Variants in STPG2 observed in about 807,000 individuals in gnomAD.
The protein encoded by STPG2 is sperm tail PG-rich repeat containing 2.
STPG2 carries 56 observed loss-of-function variants against 54.2 expected under a neutral mutation model. The observed-to-expected ratio is 1.03, with a 90% CI of 0.83 to 1.29. The LOEUF (loss-of-function observed/expected upper bound fraction) is 1.29, where lower values mean the gene tolerates loss of function less well. STPG2 is among the 50% of genes most tolerant of loss of function. The pLI is 0.00. For missense variants in STPG2, 596 were observed against 544.9 expected (o/e 1.09, Z -0.93); for synonymous variants, 200 against 181.8 (o/e 1.10, Z -0.81).
At chr4:97,922,529 T>G (rs769835051) in intron 8 of STPG2, among the ~76,000 whole-genome samples, 1 of 152,222 alleles carries the variant, frequency 6.6e-6, no homozygotes, top group African/African-American at 2.4e-5. Context: ...AGAAAAAAAG[T>G]TGTTTGTAGT....
Position 97,840,839 on chromosome 4 carries a change from T to C in STPG2, c.1138A>G (p.Lys380Glu), listed in dbSNP as rs1728778617. 2 of 1,612,262 alleles carry C rather than the reference T, an allele frequency of 1.2e-6. No individual in the cohort carries two copies. Among genetic ancestry groups the C allele is most frequent in the Non-Finnish European group, 8.5e-7 (1 of 1,178,710 alleles). Residue 380 changes from lysine to glutamate, a missense_variant, in exon 9 of 11, where the codon AAA (lysine) becomes GAA (glutamate). Physicochemically the swap from Lys to Glu is moderately conservative, Grantham distance 56. Coordinates refer to ENST00000295268, the MANE Select transcript of STPG2 (RefSeq NM_174952.3). ...KYMPPRSLVA[K>E]RKHASFLSAT... ...CTAAGAAAAGAGGCATGTTTTCTTT[T>C]AGCCACTAAACTACGAGGTGGCATA...
chr4:97,734,800 C>T (rs1051988605), intron 9 of STPG2, among the ~76,000 whole-genome samples: 2 of 152,030 alleles, frequency 1.3e-5, no homozygotes, highest in African/African-American at 2.4e-5. Flanking sequence ...CGGCCGGGGG[C>T]GGTGGCTCAT....
At chr4:97,515,907 T>C (rs1373454931) in intron 4 of STPG2, among the ~76,000 whole-genome samples, 3 of 152,122 alleles carry the variant, frequency 2.0e-5, no homozygotes, top group Non-Finnish European at 4.4e-5. Flanking sequence ...CTACATTTTG[T>C]TTTTACATTG....
chr4:97,865,244 A>G (rs1407669391), intron 8 of STPG2, among the ~76,000 whole-genome samples: 1 of 152,204 alleles, frequency 6.6e-6, no homozygotes, highest in African/African-American at 2.4e-5. Flanking sequence ...ACAAATTTAC[A>G]AGAAAAAAAC....
At chr4:97,557,194 A>ACTGTCAT (rs1560658354), downstream of STPG2, among the ~76,000 whole-genome samples, 1 of 151,982 alleles carries the variant, frequency 6.6e-6, no homozygotes, top group Non-Finnish European at 1.5e-5. Flanking sequence ...AAAACAAAAT[A>ACTGTCAT]CTGTCATACC....
intron 8 of STPG2, among the ~76,000 whole-genome samples, chr4:97,914,265 T>A (rs958875533): frequency 2.0e-5 from 3 of 152,126 alleles, no homozygotes. Flanking sequence ...ACAACTAATC[T>A]GAGGATTCTC....
At chr4:97,732,828 G>GA (rs1724848666) in intron 9 of STPG2, among the ~76,000 whole-genome samples, 2 of 151,960 alleles carry the variant, frequency 1.3e-5, no homozygotes, top group Admixed American at 6.6e-5. Context: ...CAACAAACAT[G>GA]AAAAAATGCT....
intron 10 of STPG2, among the ~76,000 whole-genome samples, chr4:97,571,990 C>T (rs780358548): frequency 3.9e-5 from 6 of 152,144 alleles, no homozygotes; most frequent in African/African-American, 7.2e-5. Flanking sequence ...CCATTTGCTA[C>T]ACAATGGTGT....
At chr4:97,670,875 T>C (rs975950370) in intron 10 of STPG2, among the ~76,000 whole-genome samples, 5 of 152,186 alleles carry the variant, frequency 3.3e-5, no homozygotes, top group Admixed American at 1.3e-4. Flanking sequence ...ATGTCATCAA[T>C]AACAGACCTG....
intron 10 of STPG2, among the ~76,000 whole-genome samples, chr4:97,672,357 T>A (rs970148498): frequency 6.8e-6 from 1 of 146,940 alleles, no homozygotes; most frequent in African/African-American, 2.5e-5. Context: ...TAATTTTTTT[T>A]AGTAGAGACA....
At chr4:97,754,366 G>GT (rs1725668131) in intron 9 of STPG2, among the ~76,000 whole-genome samples, 1 of 152,032 alleles carries the variant, frequency 6.6e-6, no homozygotes, top group Non-Finnish European at 1.5e-5. Flanking sequence ...ATCCGCTTTT[G>GT]TTTTTTGTTG....
At chr4:98,136,607 A>AT (rs1331665805) in intron 1 of STPG2, among the ~76,000 whole-genome samples, 1 of 151,778 alleles carries the variant, frequency 6.6e-6, no homozygotes, top group Non-Finnish European at 1.5e-5. Flanking sequence ...TTGAATCATC[A>AT]TAAGTAAAGG....
chr4:97,830,469 A>T (rs1728417273), intron 9 of STPG2, among the ~76,000 whole-genome samples: 1 of 152,182 alleles, frequency 6.6e-6, no homozygotes, highest in Non-Finnish European at 1.5e-5. Context: ...GCACCAACTA[A>T]GGGGCAAAAT....
At chr4:97,488,441 T>C (rs924074063) in intron 4 of STPG2, among the ~76,000 whole-genome samples, 1 of 151,712 alleles carries the variant, frequency 6.6e-6, no homozygotes, top group Non-Finnish European at 1.5e-5. Context: ...TTACATGCAA[T>C]CTGTCCCTAA....
intron 9 of STPG2, among the ~76,000 whole-genome samples, chr4:97,754,572 G>A (rs1023437998): frequency 6.6e-5 from 10 of 152,024 alleles, no homozygotes; most frequent in Non-Finnish European, 1.0e-4. Flanking sequence ...ATGAGAGTCT[G>A]AATCCCCATA....
chr4:97,858,551 C>T (rs893805056), intron 8 of STPG2, among the ~76,000 whole-genome samples: 2 of 152,110 alleles, frequency 1.3e-5, no homozygotes, highest in African/African-American at 4.8e-5. Flanking sequence ...TCCCTCTCTC[C>T]TCTCCTACCA....
chr4:97,765,003 CTATTA>C (rs1351853957), intron 9 of STPG2, among the ~76,000 whole-genome samples: 1 of 152,026 alleles, frequency 6.6e-6, no homozygotes, highest in Admixed American at 6.6e-5. Context: ...TGCTGATACT[CTATTA>C]TAATTCTCAG....
At chr4:97,695,572 T>A (rs757905720) in intron 10 of STPG2, among the ~76,000 whole-genome samples, 1 of 152,158 alleles carries the variant, frequency 6.6e-6, no homozygotes, top group Non-Finnish European at 1.5e-5. Flanking sequence ...TGTTCGCTGA[T>A]GATATGACAG....
intron 9 of STPG2, among the ~76,000 whole-genome samples, chr4:97,750,215 T>G (rs1229420250): frequency 6.6e-6 from 1 of 151,902 alleles, no homozygotes; most frequent in African/African-American, 2.4e-5. Flanking sequence ...ATCTTTGCTT[T>G]ATATATAGGC....
Sources: allele counts gnomAD v4.1 joint callset (sites outside exome capture counted in the v4.1 genomes callset), GRCh38; gene constraint gnomAD v4.1.1; transcripts MANE v1.5; gene names NCBI Gene and HGNC (gene_info 2026-07-23, HGNC 2026-07-21).